GPAT3: variants seen among roughly 807,000 people sequenced by gnomAD.
The protein encoded by GPAT3 is 1-AGP acyltransferase 9.
In GPAT3, 53 loss-of-function variants were observed where a neutral mutation model predicts 58.8. That is an observed-to-expected ratio of 0.90 (90% CI 0.72 to 1.13). The LOEUF (loss-of-function observed/expected upper bound fraction) is 1.13. Among genes scored for constraint, GPAT3 ranks in the 50% most tolerant of loss-of-function variants. The probability of loss-of-function intolerance (pLI) is 0.00; values close to 1 mark genes in which losing one functional copy is unlikely to be tolerated. For synonymous variants in GPAT3, 197 were observed against 187.4 expected, an observed-to-expected ratio of 1.05 and a Z score of -0.42; for missense variants, 511 against 527.6, an observed-to-expected ratio of 0.97 and a Z score of 0.31.
chr4:83,598,828 G>A (rs1726952377), intron 11 of GPAT3, 105 bp downstream of exon 11: 2 of 767,610 alleles, frequency 2.6e-6, no homozygotes, highest in African/African-American at 2.1e-5. Flanking sequence ...GAGTGCAGTA[G>A]CATGATCATA....
chr4:83,580,166 A>G (rs1726053889), intron 2 of GPAT3, among the ~76,000 whole-genome samples: 1 of 152,162 alleles, frequency 6.6e-6, no homozygotes, highest in Non-Finnish European at 1.5e-5. Context: ...GACAGTAGTC[A>G]TTTTTCAATT....
chr4:83,555,698 A>G (rs1724919674), intron 2 of GPAT3, among the ~76,000 whole-genome samples: 1 of 152,222 alleles, frequency 6.6e-6, no homozygotes, highest in South Asian at 2.1e-4. Context: ...GGAAGGGACT[A>G]TGGGAACGCT....
At chr4:83,548,658 C>T (rs1414599241) in intron 2 of GPAT3, among the ~76,000 whole-genome samples, 2 of 151,578 alleles carry the variant, frequency 1.3e-5, no homozygotes, top group Non-Finnish European at 3.0e-5. Flanking sequence ...CGTGACTCAG[C>T]ATTGTTGGCC....
chr4:83,579,964 C>T (rs1303661108), intron 2 of GPAT3, among the ~76,000 whole-genome samples: 1 of 152,202 alleles, frequency 6.6e-6, no homozygotes, highest in African/African-American at 2.4e-5. Context: ...CAAAAAAGAT[C>T]TTCTTTCAGG....
intron 2 of GPAT3, among the ~76,000 whole-genome samples, chr4:83,544,867 T>C (rs796158658): frequency 2.6e-4 from 39 of 151,980 alleles, no homozygotes; most frequent in African/African-American, 8.4e-4. Flanking sequence ...CTGTCCGTGG[T>C]TTTAAAGATG....
In GPAT3 at chr4:83,536,432, G is replaced by T. The variant is rs1724086107; in HGVS notation, c.-191G>T. 14 of 1,386,798 alleles carry T rather than the reference G, an allele frequency of 1.0e-5. No homozygotes were observed. Among genetic ancestry groups the T allele is most frequent in the Non-Finnish European group, 1.2e-5 (13 of 1,073,164 alleles). 85.9% of individuals were successfully genotyped at this position (1,386,798 alleles called of 1,614,324 possible). ...AAGAGTTAACTGGCAGGGGCGAGGAGGAGCCCAGGGAGGAAGGAAGGATAT... is the reference window on the plus strand; with the variant it reads ...AAGAGTTAACTGGCAGGGGCGAGGATGAGCCCAGGGAGGAAGGAAGGATAT... On this transcript the variant is annotated 5_prime_UTR_variant, in exon 1 of 12. In the 5' UTR this introduces an upstream ATG that the reference lacks. Coordinates refer to ENST00000264409, the MANE Select transcript of GPAT3 (RefSeq NM_032717.5).
At chr4:83,593,717 A>T (rs1726700937) in intron 6 of GPAT3, among the ~76,000 whole-genome samples, 1 of 152,164 alleles carries the variant, frequency 6.6e-6, no homozygotes, top group African/African-American at 2.4e-5. Context: ...CAGTTCTTAC[A>T]ATGCCATCCA....
chr4:83,581,018 C>A (rs1200789486), intron 2 of GPAT3, among the ~76,000 whole-genome samples: 1 of 150,146 alleles, frequency 6.7e-6, no homozygotes, highest in Non-Finnish European at 1.5e-5. Context: ...TTGGCATGAA[C>A]CCGGGAGGCG....
At chr4:83,546,921 T>C (rs1012609885) in intron 2 of GPAT3, among the ~76,000 whole-genome samples, 1 of 151,936 alleles carries the variant, frequency 6.6e-6, no homozygotes, top group Non-Finnish European at 1.5e-5. Context: ...GTACCAGGGG[T>C]ATTAAGTAAG....
At chr4:83,582,127 G>T (rs1010365684) in intron 3 of GPAT3, among the ~76,000 whole-genome samples, 2 of 151,334 alleles carry the variant, frequency 1.3e-5, no homozygotes, top group Admixed American at 6.6e-5. Context: ...TGAAGAAGAA[G>T]AAGAGGAAGA....
intron 2 of GPAT3, among the ~76,000 whole-genome samples, chr4:83,571,635 A>C (rs1048442003): frequency 1.3e-5 from 2 of 151,478 alleles, no homozygotes; most frequent in Admixed American, 6.6e-5. Context: ...AAAAAGCCTA[A>C]TATTTTAATG....
chr4:83,539,820 C>T lies in GPAT3; in HGVS notation c.141+3057C>T, dbSNP rs572963385. 5.8e-4 allele frequency among the ~76,000 whole-genome samples: 88 copies of T among 152,320 alleles called. No individual in the cohort carries two copies. The South Asian group carries it at 8.3e-3, about 14-fold the overall frequency. On this transcript the variant is annotated intron_variant, in intron 1 of 11. Coordinates refer to ENST00000264409, the MANE Select transcript of GPAT3 (RefSeq NM_032717.5). ...TTGTTGGATACGTATGTTAATATTA[C>T]AGCTTTATAGTCGAGAAAATTGTTT... is the stretch of plus-strand genomic sequence containing the variant.
At chr4:83,604,626 C>G (rs146052303) in intron 11 of GPAT3, 42 bp from the exon 12 acceptor site, 4 of 1,501,328 alleles carry the variant, frequency 2.7e-6, no homozygotes, top group Non-Finnish European at 3.7e-6. Context: ...TTTAAATCAC[C>G]GCTGTAAAGT....
intron 2 of GPAT3, among the ~76,000 whole-genome samples, chr4:83,576,973 A>G (rs1560619124): frequency 6.6e-6 from 1 of 152,194 alleles, no homozygotes; most frequent in African/African-American, 2.4e-5. Flanking sequence ...CTAATGTTAC[A>G]TGGAGAAACC....
At chr4:83,599,088 C>CT (rs550761216) in intron 11 of GPAT3, among the ~76,000 whole-genome samples, 22 of 151,538 alleles carry the variant, frequency 1.5e-4, no homozygotes, top group African/African-American at 4.8e-4. Context: ...CTGGCCTTTT[C>CT]TTTTTTTTAA....
rs1724073526 is a variant in GPAT3 at position 83,536,186 on chromosome 4, C to A, written c.-437C>A. The A allele has an allele frequency of 4.1e-6, 4 of 986,632 alleles. No homozygotes were observed. The African/African-American group carries it at 7.0e-5, about 17-fold the overall frequency. 61.1% of individuals were successfully genotyped at this position (986,632 alleles called of 1,614,324 possible). A position where few individuals can be genotyped will look rare whatever the true frequency, so the allele number is the denominator to read the frequency against. Reference sequence around the variant, plus strand: ...CAAAGTGCGGTGCTCCCGCAGGGAACCTGGCTCGGGGAGGGCCTCCGTGAG... The same window carrying A: ...CAAAGTGCGGTGCTCCCGCAGGGAAACTGGCTCGGGGAGGGCCTCCGTGAG... On this transcript the variant is annotated 5_prime_UTR_variant, in exon 1 of 12. Coordinates refer to ENST00000264409, the MANE Select transcript of GPAT3 (RefSeq NM_032717.5).
intron 2 of GPAT3, among the ~76,000 whole-genome samples, chr4:83,566,934 T>A (rs1368391391): frequency 2.6e-5 from 4 of 152,148 alleles, no homozygotes; most frequent in Non-Finnish European, 4.4e-5. Flanking sequence ...TCTTCCATTA[T>A]ATTTTCTAAA....
chr4:83,579,302 C>CCTCCT (rs1247522452), intron 2 of GPAT3, among the ~76,000 whole-genome samples: 5 of 127,476 alleles, frequency 3.9e-5, no homozygotes, highest in Non-Finnish European at 8.3e-5. Flanking sequence ...CCTCCCCTCC[C>CCTCCT]CTCCTCTTCC....
chr4:83,543,936 CTTAG>C (rs1196071971), intron 1 of GPAT3, among the ~76,000 whole-genome samples: 7 of 152,188 alleles, frequency 4.6e-5, no homozygotes, highest in Non-Finnish European at 1.0e-4. Flanking sequence ...CCAATCGTGC[CTTAG>C]TTAATGATTT....
Sources: gnomAD v4.1 joint callset for allele counts (sites outside exome capture counted in the v4.1 genomes callset) on GRCh38, gnomAD v4.1.1 for gene constraint, MANE v1.5 for transcripts, NCBI Gene and HGNC (gene_info 2026-07-23, HGNC 2026-07-21) for gene names.